The following CNTN5 variants were observed in gnomAD, a reference collection of about 807,000 sequenced individuals.
CNTN5 encodes the protein contactin 5.
In CNTN5, 77 loss-of-function variants were observed where a neutral mutation model predicts 129.1. The ratio of observed to expected loss-of-function variants is 0.60; its 90% CI spans 0.50 to 0.72. CNTN5 has a LOEUF of 0.72. Ranked by LOEUF, CNTN5 falls within the 30% of genes least tolerant of loss-of-function variation. The probability of loss-of-function intolerance (pLI) is 0.00; values close to 1 mark genes in which losing one functional copy is unlikely to be tolerated. For missense variants in CNTN5, 1,478 were observed against 1,328.8 expected, an observed-to-expected ratio of 1.11 and a Z score of -1.75; for synonymous variants, 509 against 465.6, an observed-to-expected ratio of 1.09 and a Z score of -1.20.
chr11:100,044,978 T>C (rs2137701943), intron 9 of CNTN5, among the ~76,000 whole-genome samples: 1 of 152,250 alleles, frequency 6.6e-6, no homozygotes, highest in South Asian at 2.1e-4. Context: ...TTTTGTTTTC[T>C]TACTATTAGG....
At chr11:99,085,610 T>C (rs1407584511) in intron 1 of CNTN5, among the ~76,000 whole-genome samples, 1 of 152,174 alleles carries the variant, frequency 6.6e-6, no homozygotes, top group Admixed American at 6.5e-5. Context: ...ATTAGCTTAA[T>C]CAGTGAAGTA....
At chr11:99,893,327 T>C (rs941638183) in intron 6 of CNTN5, among the ~76,000 whole-genome samples, 1 of 152,244 alleles carries the variant, frequency 6.6e-6, no homozygotes, top group Admixed American at 6.5e-5. Flanking sequence ...TAAATAAATC[T>C]GATTATTATT....
intron 18 of CNTN5, among the ~76,000 whole-genome samples, chr11:100,290,291 A>G (rs545899501): frequency 0.014 from 2,159 of 152,330 alleles, 69 homozygotes; most frequent in African/African-American, 0.05. Context: ...AAGAGCCTGC[A>G]TTGCTAAGTC....
chr11:99,763,270 A>T (rs1944648489), intron 3 of CNTN5, among the ~76,000 whole-genome samples: 1 of 152,150 alleles, frequency 6.6e-6, no homozygotes. Context: ...AAGAAAACAC[A>T]CTGTAGTCCA....
At chr11:99,778,113 C>A (rs1262970482) in intron 3 of CNTN5, among the ~76,000 whole-genome samples, 7 of 151,728 alleles carry the variant, frequency 4.6e-5, no homozygotes, top group Admixed American at 2.6e-4. Flanking sequence ...CTGTTCACAT[C>A]CTCTGTAGTG....
chr11:99,439,739 A>G (rs1158157013), intron 2 of CNTN5, among the ~76,000 whole-genome samples: 1 of 151,654 alleles, frequency 6.6e-6, no homozygotes, highest in Admixed American at 6.6e-5. Flanking sequence ...AAAGAAAAAA[A>G]GAAATATCAC....
intron 3 of CNTN5, among the ~76,000 whole-genome samples, chr11:99,751,409 AACTT>A (rs1201558270): frequency 6.6e-6 from 1 of 152,190 alleles, no homozygotes; most frequent in African/African-American, 2.4e-5. Flanking sequence ...TTGACTGAAC[AACTT>A]AGTTCCCAGT....
At chr11:99,392,130 T>A (rs1465965805) in intron 2 of CNTN5, among the ~76,000 whole-genome samples, 2 of 151,796 alleles carry the variant, frequency 1.3e-5, no homozygotes, top group Non-Finnish European at 2.9e-5. Context: ...TAAAAAGATA[T>A]TTGCGTGACT....
At chr11:100,192,591 G>A (rs1054003833) in intron 14 of CNTN5, among the ~76,000 whole-genome samples, 1 of 151,956 alleles carries the variant, frequency 6.6e-6, no homozygotes, top group African/African-American at 2.4e-5. Context: ...TTGTCTTGAG[G>A]TATCTATGAC....
At chr11:99,442,689 T>C (rs946079678) in intron 2 of CNTN5, among the ~76,000 whole-genome samples, 8 of 152,242 alleles carry the variant, frequency 5.3e-5, no homozygotes, top group Non-Finnish European at 1.2e-4. Context: ...AACCAGTTTC[T>C]TGAATTTGTA....
intron 1 of CNTN5, among the ~76,000 whole-genome samples, chr11:99,037,441 A>G (rs552175389): frequency 6.6e-6 from 1 of 152,212 alleles, no homozygotes; most frequent in Non-Finnish European, 1.5e-5. Flanking sequence ...TGCAGCTACA[A>G]CAATGCATAT....
chr11:99,264,247 C>A (rs1164944185), intron 1 of CNTN5, among the ~76,000 whole-genome samples: 1 of 151,076 alleles, frequency 6.6e-6, no homozygotes, highest in Non-Finnish European at 1.5e-5. Context: ...TTTAATTATT[C>A]TTGATTGTAC....
At chr11:99,551,264 A>G (rs1021763530) in intron 2 of CNTN5, among the ~76,000 whole-genome samples, 1 of 152,214 alleles carries the variant, frequency 6.6e-6, no homozygotes. Flanking sequence ...TTAAGAATAC[A>G]GAATTAAATA....
chr11:99,916,512 G>T (rs758778772), intron 7 of CNTN5, among the ~76,000 whole-genome samples: 1 of 152,108 alleles, frequency 6.6e-6, no homozygotes, highest in Non-Finnish European at 1.5e-5. Context: ...ACCAATATGC[G>T]TCTTGTTTCA....
Position 99,296,187 on chromosome 11 carries a change from T to C in CNTN5, c.-209-29159T>C, listed in dbSNP as rs2510685. Among the ~76,000 whole-genome samples the C allele has an allele frequency of 2.3e-3, 352 of 152,262 alleles. 2 individuals carry two copies. Among genetic ancestry groups the C allele is most frequent in the African/African-American group, 8.0e-3 (334 of 41,568 alleles). ...TGGGAAAAGTTGTTCACATCAAGGATGTCATCTTTTTCTGGGGAGAAGCTT... is the reference window on the plus strand; with the variant it reads ...TGGGAAAAGTTGTTCACATCAAGGACGTCATCTTTTTCTGGGGAGAAGCTT... On this transcript the variant is annotated intron_variant, in intron 1 of 24. Transcript: ENST00000524871.
At chr11:99,614,794 C>G (rs1251887859) in intron 3 of CNTN5, among the ~76,000 whole-genome samples, 1 of 151,868 alleles carries the variant, frequency 6.6e-6, no homozygotes, top group African/African-American at 2.4e-5. Flanking sequence ...TTTATTGTAC[C>G]CCACTTGATA....
At chr11:99,730,221 G>T (rs969010686) in intron 3 of CNTN5, among the ~76,000 whole-genome samples, 5 of 152,122 alleles carry the variant, frequency 3.3e-5, no homozygotes, top group African/African-American at 1.2e-4. Flanking sequence ...CCTAGAAGGA[G>T]GCAGAATTCT....
At chr11:99,754,900 T>C (rs868039970) in intron 3 of CNTN5, among the ~76,000 whole-genome samples, 6 of 152,198 alleles carry the variant, frequency 3.9e-5, no homozygotes, top group African/African-American at 1.4e-4. Flanking sequence ...CTTAAAAATA[T>C]TCTATACTGG....
chr11:99,035,246 G>A (rs1249428265), intron 1 of CNTN5, among the ~76,000 whole-genome samples: 1 of 149,366 alleles, frequency 6.7e-6, no homozygotes, highest in Non-Finnish European at 1.5e-5. Flanking sequence ...TGTATATTCT[G>A]TTGATTTGGG....
Sources: gnomAD v4.1 joint callset for allele counts (sites outside exome capture counted in the v4.1 genomes callset) on GRCh38, gnomAD v4.1.1 for gene constraint, MANE v1.5 for transcripts, NCBI Gene and HGNC (gene_info 2026-07-23, HGNC 2026-07-21) for gene names.